Variants in GALNTL6 observed in about 807,000 individuals in gnomAD.
GALNTL6 encodes the protein polypeptide N-acetylgalactosaminyltransferase like 6, also known as polypeptide N-acetylgalactosaminyltransferase-like 6.
GALNTL6 carries 46 observed loss-of-function variants against 73.7 expected under a neutral mutation model. That is an observed-to-expected ratio of 0.62 (90% CI 0.49 to 0.80). GALNTL6 has a LOEUF of 0.80. Ranked by LOEUF, GALNTL6 falls within the 30% of genes least tolerant of loss-of-function variation. The pLI is 0.00. For missense variants in GALNTL6, 604 were observed against 755.0 expected (o/e 0.80, Z 2.34); for synonymous variants, 259 against 263.7 (o/e 0.98, Z 0.17).
chr4:172,542,574 G>T (rs1443528558), intron 5 of GALNTL6, among the ~76,000 whole-genome samples: 2 of 152,122 alleles, frequency 1.3e-5, no homozygotes, highest in African/African-American at 4.8e-5. Context: ...TCCTGGTGGG[G>T]GAGGGGAGCC....
At chr4:172,675,074 G>T (rs1428549598) in intron 5 of GALNTL6, among the ~76,000 whole-genome samples, 1 of 152,106 alleles carries the variant, frequency 6.6e-6, no homozygotes, top group Non-Finnish European at 1.5e-5. Flanking sequence ...CAGCATTCTT[G>T]CACTGATTCC....
At chr4:172,377,192 C>T (rs1024804792) in intron 5 of GALNTL6, among the ~76,000 whole-genome samples, 3 of 152,086 alleles carry the variant, frequency 2.0e-5, no homozygotes, top group Non-Finnish European at 2.9e-5. Flanking sequence ...GCTAGTTGGT[C>T]TGTTTTATAG....
chr4:172,752,227 T>C (rs533987028), intron 5 of GALNTL6, among the ~76,000 whole-genome samples: 1 of 152,066 alleles, frequency 6.6e-6, no homozygotes, highest in Non-Finnish European at 1.5e-5. Context: ...TGAGAACAAC[T>C]AATTATCAGG....
At chr4:173,021,734 C>G in intron 12 of GALNTL6, 109 bp downstream of exon 12, 1 of 1,135,582 alleles carries the variant, frequency 8.8e-7, no homozygotes, top group Non-Finnish European at 1.3e-6. Context: ...TCACTCACAC[C>G]TGTAATCCTG....
At chr4:172,156,571 A>AGTGTATATAT (rs751638637) in intron 2 of GALNTL6, among the ~76,000 whole-genome samples, 1 of 70,944 alleles carries the variant, frequency 1.4e-5, no homozygotes, top group African/African-American at 6.3e-5. Context: ...ATATATACAT[A>AGTGTATATAT]CTATATATAT....
At chr4:171,907,702 A>G in intron 2 of GALNTL6, among the ~76,000 whole-genome samples, 1 of 151,332 alleles carries the variant, frequency 6.6e-6, no homozygotes. Context: ...TCCTAAGCCA[A>G]AAGAACAAAG....
At chr4:172,493,909 A>G (rs1173365744) in intron 5 of GALNTL6, among the ~76,000 whole-genome samples, 1 of 151,912 alleles carries the variant, frequency 6.6e-6, no homozygotes. Flanking sequence ...CTTGACAAAT[A>G]TTCACTCTCC....
At chr4:172,646,348 T>G (rs1740241799) in intron 5 of GALNTL6, among the ~76,000 whole-genome samples, 1 of 152,076 alleles carries the variant, frequency 6.6e-6, no homozygotes. Flanking sequence ...ACATGGTATA[T>G]TTCTCTATTT....
chr4:172,585,148 A>T (rs1221800195), intron 5 of GALNTL6, among the ~76,000 whole-genome samples: 1 of 151,804 alleles, frequency 6.6e-6, no homozygotes, highest in East Asian at 1.9e-4. Context: ...TGGAGAGGGG[A>T]TGTGTTAAAT....
intron 3 of GALNTL6, among the ~76,000 whole-genome samples, chr4:172,260,381 G>A (rs1350974536): frequency 6.6e-6 from 1 of 151,424 alleles, no homozygotes. Context: ...AAAAGGGATT[G>A]AGTTCTTGAT....
intron 5 of GALNTL6, among the ~76,000 whole-genome samples, chr4:172,469,502 G>A (rs1426927567): frequency 6.6e-6 from 1 of 151,998 alleles, no homozygotes; most frequent in Non-Finnish European, 1.5e-5. Context: ...AACTATCAAA[G>A]CAGTGTCAGC....
intron 2 of GALNTL6, among the ~76,000 whole-genome samples, chr4:172,133,350 G>A (rs2111022714): frequency 6.6e-6 from 1 of 152,284 alleles, no homozygotes; most frequent in Non-Finnish European, 1.5e-5. Context: ...CACATTTCAA[G>A]TTGTTCCATC....
intron 5 of GALNTL6, among the ~76,000 whole-genome samples, chr4:172,538,949 G>A (rs1735448111): frequency 6.6e-6 from 1 of 151,972 alleles, no homozygotes; most frequent in Admixed American, 6.6e-5. Context: ...AAAATTTAAA[G>A]GGAAAGGACT....
chr4:172,006,148 T>C (rs543766618), intron 2 of GALNTL6, among the ~76,000 whole-genome samples: 10 of 152,342 alleles, frequency 6.6e-5, no homozygotes, highest in South Asian at 4.1e-4. Flanking sequence ...CATTAATCTG[T>C]GCAGTATTAG....
intron 2 of GALNTL6, among the ~76,000 whole-genome samples, chr4:171,837,585 A>T (rs1444551277): frequency 6.8e-6 from 1 of 147,280 alleles, no homozygotes; most frequent in Non-Finnish European, 1.5e-5. Context: ...AATATTATAG[A>T]TATTAATTAT....
At chr4:171,929,945 C>T (rs1424444088) in intron 2 of GALNTL6, among the ~76,000 whole-genome samples, 1 of 152,228 alleles carries the variant, frequency 6.6e-6, no homozygotes, top group Non-Finnish European at 1.5e-5. Context: ...CCCGTGTCCC[C>T]AGAAAATCTG....
intron 5 of GALNTL6, among the ~76,000 whole-genome samples, chr4:172,550,902 G>T (rs1221326645): frequency 6.6e-6 from 1 of 152,162 alleles, no homozygotes; most frequent in African/African-American, 2.4e-5. Context: ...TTTATAAAAA[G>T]ACTACAGTCT....
At chr4:172,369,895 G>A (rs190310214) in intron 5 of GALNTL6, among the ~76,000 whole-genome samples, 98 of 152,254 alleles carry the variant, frequency 6.4e-4, no homozygotes, top group African/African-American at 2.1e-3. Context: ...CTCCGGCCTC[G>A]GCCAACCCAG....
chr4:173,033,010 T>C (rs768682101), intron 12 of GALNTL6, among the ~76,000 whole-genome samples: 1 of 151,468 alleles, frequency 6.6e-6, no homozygotes, highest in Non-Finnish European at 1.5e-5. Flanking sequence ...TTTCTTTTCT[T>C]TTTTTTTTGA....
Sources: gnomAD v4.1 joint callset for allele counts (sites outside exome capture counted in the v4.1 genomes callset) on GRCh38, gnomAD v4.1.1 for gene constraint, MANE v1.5 for transcripts, NCBI Gene and HGNC (gene_info 2026-07-23, HGNC 2026-07-21) for gene names.